LIPA: variants seen among roughly 807,000 people sequenced by gnomAD.
The protein encoded by LIPA is lipase A, lysosomal acid type.
Under a neutral mutation model 40.6 loss-of-function variants are expected in LIPA, and 26 were observed. The observed-to-expected ratio is 0.64, with a 90% CI of 0.47 to 0.89. The LOEUF is 0.89. Among genes scored for constraint, LIPA ranks in the 40% least tolerant of loss-of-function variants. LIPA has a pLI of 0.00. For missense variants in LIPA, 455 were observed against 479.6 expected (o/e 0.95, Z 0.48); for synonymous variants, 188 against 168.4 (o/e 1.12, Z -0.90).
chr10:89,387,179 G>A lies in LIPA; in HGVS notation c.61+25612C>T, dbSNP rs1844216363. On this transcript the variant is annotated intron_variant, in intron 2 of 8. Transcript: ENST00000371837. The stretch of plus-strand genomic sequence containing the variant: ...AAAATACAAAAAATTAGCCGGGCGT[G>A]GTGGCGGGCGCCTATAGTCCCAGCT... 2.6e-5 allele frequency among the ~76,000 whole-genome samples: 4 copies of A among 152,110 alleles called. No homozygotes were observed. The South Asian group carries it at 8.3e-4, about 32-fold the overall frequency.
At chr10:89,344,248 G>A (rs1034526073), upstream of LIPA, among the ~76,000 whole-genome samples, 2 of 152,162 alleles carry the variant, frequency 1.3e-5, no homozygotes, top group Non-Finnish European at 1.5e-5. Flanking sequence ...AGAGAGTAAG[G>A]AATTCCCTGA....
chr10:89,307,484 A>G (rs777286147), intron 1 of LIPA: 30 of 875,778 alleles, frequency 3.4e-5, no homozygotes, highest in African/African-American at 1.0e-4. Flanking sequence ...AGATTGGACT[A>G]AGACACTGGC....
intron 1 of LIPA, among the ~76,000 whole-genome samples, chr10:89,259,919 G>T (rs181095083): frequency 5.3e-5 from 8 of 152,224 alleles, no homozygotes; most frequent in African/African-American, 1.9e-4. Context: ...TGACAGAGAG[G>T]CATGGGGAAA....
At chr10:89,413,502 T>G (rs1412587447) in intron 1 of LIPA, among the ~76,000 whole-genome samples, 1 of 152,210 alleles carries the variant, frequency 6.6e-6, no homozygotes, top group Non-Finnish European at 1.5e-5. Context: ...CCCAGCATTT[T>G]GGGAGGCCAC....
At chr10:89,297,845 C>A (rs1843423964) in intron 1 of LIPA, among the ~76,000 whole-genome samples, 1 of 152,210 alleles carries the variant, frequency 6.6e-6, no homozygotes, top group African/African-American at 2.4e-5. Context: ...GAGGCTGGGG[C>A]AGGGAAGCCA....
chr10:89,259,215 T>A (rs1190586626), intron 1 of LIPA, among the ~76,000 whole-genome samples: 1 of 152,224 alleles, frequency 6.6e-6, no homozygotes, highest in Non-Finnish European at 1.5e-5. Context: ...TTTAACTTTA[T>A]AAAATGATTT....
chr10:89,328,230 G>T (rs1843617935), intron 1 of LIPA: 2 of 832,052 alleles, frequency 2.4e-6, no homozygotes, highest in Non-Finnish European at 3.8e-6. Flanking sequence ...TGTTTGAGGG[G>T]TTTTTCCCTG....
At chr10:89,244,210 T>G (rs1252375160) in intron 3 of LIPA, among the ~76,000 whole-genome samples, 1 of 152,116 alleles carries the variant, frequency 6.6e-6, no homozygotes, top group Non-Finnish European at 1.5e-5. Flanking sequence ...CACCTAAACA[T>G]TATTAAAATC....
chr10:89,264,674 C>T (rs1309391173), intron 1 of LIPA, among the ~76,000 whole-genome samples: 2 of 152,208 alleles, frequency 1.3e-5, no homozygotes, highest in Admixed American at 6.5e-5. Context: ...TGGCTGAGTC[C>T]TGGGTTTTTA....
intron 2 of LIPA, among the ~76,000 whole-genome samples, chr10:89,373,513 T>C (rs1013732430): frequency 6.6e-6 from 1 of 151,920 alleles, no homozygotes; most frequent in African/African-American, 2.4e-5. Context: ...TGGTGCAAGT[T>C]TGCAAACATG....
At chr10:89,331,474 A>G (rs560714956) in intron 1 of LIPA, among the ~76,000 whole-genome samples, 2 of 152,242 alleles carry the variant, frequency 1.3e-5, no homozygotes, top group East Asian at 3.9e-4. Flanking sequence ...TGCCTGGCCA[A>G]CATTTTCCAT....
At chr10:89,333,411 A>C (rs1350961400) in intron 1 of LIPA, among the ~76,000 whole-genome samples, 2 of 152,228 alleles carry the variant, frequency 1.3e-5, no homozygotes, top group Non-Finnish European at 2.9e-5. Context: ...TGGCTTACAG[A>C]AGAAATGTCC....
chr10:89,331,624 C>T (rs989757173), intron 1 of LIPA, among the ~76,000 whole-genome samples: 1 of 152,064 alleles, frequency 6.6e-6, no homozygotes. Context: ...CTTTGGGAGG[C>T]CGAGGAGGGC....
At position 89,245,776 on chromosome 10, in the gene LIPA, G is replaced by A; in HGVS notation, c.129C>T (p.Tyr43=). Residue 43 remains tyrosine, a synonymous_variant, in exon 3 of 10, where the codon TAC becomes TAT. Transcript: ENST00000336233. The stretch of plus-strand genomic sequence containing the variant: ...GGTATTCCTCACTAGGGAATCCCCA[G>A]TAAGAGATAATTTCACTCTGTAGAG... ...TNMNVSEIIS[Y]WGFPSEEYLV... 6.4e-7 allele frequency: 1 copy of A among 1,571,134 alleles called. No homozygotes were observed. Among genetic ancestry groups the A allele is most frequent in the Non-Finnish European group, 8.8e-7 (1 of 1,140,854 alleles).
At chr10:89,275,751 A>G (rs540650865) in intron 1 of LIPA, among the ~76,000 whole-genome samples, 1 of 152,280 alleles carries the variant, frequency 6.6e-6, no homozygotes, top group Admixed American at 6.5e-5. Flanking sequence ...TCGTTTTGTG[A>G]AAATTATTTT....
At position 89,242,842 on chromosome 10, in the gene LIPA, T is replaced by C. The variant is rs192256872; in HGVS notation, c.229+2834A>G. On this transcript the variant is annotated intron_variant, in intron 3 of 9. Coordinates refer to ENST00000336233, the MANE Select transcript of LIPA (RefSeq NM_000235.4). The stretch of plus-strand genomic sequence containing the variant: ...TCTTTCTGTTAGTATACGAGGAGCC[T>C]TGAAAATGGAAATGGCTCAAGACTC... 5.3e-5 allele frequency among the ~76,000 whole-genome samples: 8 copies of C among 152,346 alleles called. No homozygotes were observed. The East Asian group carries it at 1.3e-3, about 26-fold the overall frequency.
chr10:89,265,696 C>T (rs1158280537), intron 1 of LIPA, among the ~76,000 whole-genome samples: 1 of 152,150 alleles, frequency 6.6e-6, no homozygotes, highest in Non-Finnish European at 1.5e-5. Context: ...AAGATGTTGT[C>T]CATGGTGCTT....
rs539547292 is a variant in LIPA, at chr10:89,322,290, G to A, written c.-2+20321C>T. 1.5e-4 allele frequency among the ~76,000 whole-genome samples: 23 copies of A among 152,228 alleles called. No homozygotes were observed. In the South Asian group the frequency reaches 3.7e-3, roughly 25 times the overall value. On this transcript the variant is annotated intron_variant, in intron 1 of 5. Coordinates refer to the LIPA transcript ENST00000282673. ...AGCAACTCATGTGCCAGGCTATCAC[G>A]GAAAGGAAACAAAAGGGCTAGTGAG...
intron 2 of LIPA, chr10:89,405,990 C>T (rs1400055931): frequency 1.3e-5 from 2 of 152,134 alleles, no homozygotes; most frequent in Admixed American, 6.5e-5. Context: ...TATTTTTACT[C>T]CTTCCAGTAG....
Sources: gnomAD v4.1 joint callset for allele counts (sites outside exome capture counted in the v4.1 genomes callset) on GRCh38, gnomAD v4.1.1 for gene constraint, MANE v1.5 for transcripts, NCBI Gene and HGNC (gene_info 2026-07-23, HGNC 2026-07-21) for gene names.